CACNA1H: variants seen among roughly 807,000 people sequenced by gnomAD.
The protein encoded by CACNA1H is voltage-dependent T-type calcium channel subunit alpha-1H.
In CACNA1H, 149 loss-of-function variants were observed where a neutral mutation model predicts 192.5. The ratio of observed to expected loss-of-function variants is 0.77; its 90% CI spans 0.68 to 0.89. The LOEUF (loss-of-function observed/expected upper bound fraction) is 0.89, where lower values mean the gene tolerates loss of function less well. Among genes scored for constraint, CACNA1H ranks in the 40% least tolerant of loss-of-function variants. The pLI, the probability that CACNA1H is intolerant of heterozygous loss-of-function variation, is 0.00. For synonymous variants in CACNA1H, 2,202 were observed against 1,475.2 expected (o/e 1.49, Z -11.29); for missense variants, 4,257 against 3,423.5 (o/e 1.24, Z -6.08).
chr16:1,211,279 C>T lies in CACNA1H; in HGVS notation c.4335C>T (p.Gly1445=), dbSNP rs1170480526. Residue 1445 remains glycine, a synonymous_variant, in exon 22 of 35, where the codon GGC becomes GGT. Coordinates refer to ENST00000348261, the MANE Select transcript of CACNA1H (RefSeq NM_021098.3). ...GCTGCGCCTTCTTCATCATTTTTGGCATTTTGGGTGTGCAGGTGTGTGGCC... is the reference window on the plus strand; with the variant it reads ...GCTGCGCCTTCTTCATCATTTTTGGTATTTTGGGTGTGCAGGTGTGTGGCC... The part of the protein sequence containing the change: ...LICCAFFIIF[G]ILGVQLFKGK... 3 of 1,612,964 alleles carry T rather than the reference C, an allele frequency of 1.9e-6. No individual in the cohort carries two copies. The highest frequency in any genetic ancestry group is 2.5e-6 in the Non-Finnish European group (3 of 1,179,740).
At position 1,205,199 on chromosome 16, in the gene CACNA1H, C is replaced by A. The variant is rs779724136; in HGVS notation, c.2537C>A (p.Ala846Asp). ...FALEMLLKLL[A>D]CGPLGYIRNP... ...CTGGAGATGCTGCTGAAGCTGCTGG[C>A]CTGCGGCCCTCTGGGCTACATCCGG... The change falls in exon 11 of 35, where the codon GCC becomes GAC. Residue 846 changes from alanine (A) to aspartate (D), a missense_variant. Transcript: ENST00000348261. 1 of 1,613,068 alleles carries A rather than the reference C, an allele frequency of 6.2e-7. No individual in the cohort carries two copies. The highest frequency in any genetic ancestry group is 1.7e-5 in the Admixed American group (1 of 60,012).
rs374254890 is a variant in CACNA1H, at chr16:1,217,399, G to A, written c.5323+389G>A. On this transcript the variant is annotated intron_variant, in intron 31 of 34. Coordinates refer to ENST00000348261, the MANE Select transcript of CACNA1H (RefSeq NM_021098.3). ...GGCTGTCTCCCCTTACCTGGTGGCCGTAGCCTCCTGAGGCCCCCACCCAGG... is the reference window on the plus strand; with the variant it reads ...GGCTGTCTCCCCTTACCTGGTGGCCATAGCCTCCTGAGGCCCCCACCCAGG... 7.2e-5 allele frequency among the ~76,000 whole-genome samples: 11 copies of A among 152,270 alleles called. No homozygotes were observed. The East Asian group carries it at 1.6e-3, about 22-fold the overall frequency.
intron 32 of CACNA1H, 61 bp from the exon 33 acceptor site, chr16:1,218,149 C>T (rs1297280159): frequency 2.0e-5 from 30 of 1,534,138 alleles, no homozygotes; most frequent in Non-Finnish European, 2.5e-5. Flanking sequence ...GGGGACGGCA[C>T]TGCCAGGGTG....
intron 2 of CACNA1H, among the ~76,000 whole-genome samples, chr16:1,171,570 C>A (rs898404705): frequency 6.6e-6 from 1 of 152,222 alleles, no homozygotes; most frequent in Non-Finnish European, 1.5e-5. Context: ...CCCTTGGCTG[C>A]CGCAGAAAAC....
chr16:1,209,994 G>A (rs1362550339), intron 17 of CACNA1H, 41 bp from the exon 18 acceptor site: 1 of 1,471,506 alleles, frequency 6.8e-7, no homozygotes, highest in East Asian at 2.5e-5. Flanking sequence ...GGGCCGGGCA[G>A]GCAGGCGCAG....
chr16:1,220,273 C>T lies in CACNA1H; in HGVS notation c.6341C>T (p.Thr2114Ile), dbSNP rs774915687. The T allele has an allele frequency of 4.4e-6, 7 of 1,586,346 alleles. 1 individual carries two copies. Among genetic ancestry groups the T allele is most frequent in the South Asian group, 2.2e-5 (2 of 89,404 alleles). Reference sequence around the variant, plus strand: ...AGCTCCGCCTGCCCCTGGCAGCCCACAGCCGAGCCCCATGGCCCCGAAGCC... The same window carrying T: ...AGCTCCGCCTGCCCCTGGCAGCCCATAGCCGAGCCCCATGGCCCCGAAGCC... The part of the protein sequence containing the change: ...ITSSACPWQP[T>I]AEPHGPEASP... The change falls in exon 35 of 35, where the codon ACA (threonine) becomes ATA (isoleucine). Residue 2114 changes from threonine (T) to isoleucine (I), a missense_variant. By Grantham distance (89) the Thr-to-Ile change is moderately conservative. Transcript: ENST00000348261.
In CACNA1H at chr16:1,208,735, A is replaced by G. The variant is rs547760074; in HGVS notation, c.3364-297A>G. 1.0e-3 allele frequency among the ~76,000 whole-genome samples: 157 copies of G among 152,276 alleles called. 1 individual carries two copies. The highest frequency in any genetic ancestry group is 1.5e-3 in the Non-Finnish European group (99 of 68,016). Reference sequence around the variant, plus strand: ...AGCTGTGAGGCAGAGCCGCAGGCCCAGTGTGCTCCTGGGGACACGGGGGCC... The same window carrying G: ...AGCTGTGAGGCAGAGCCGCAGGCCCGGTGTGCTCCTGGGGACACGGGGGCC... On this transcript the variant is annotated intron_variant, in intron 16 of 34. Coordinates refer to ENST00000348261, the MANE Select transcript of CACNA1H (RefSeq NM_021098.3).
rs773684935 is a variant in CACNA1H, at chr16:1,198,585, C to T, written c.644-30C>T. 20 of 1,609,742 alleles carry T rather than the reference C, an allele frequency of 1.2e-5. No homozygotes were observed. The South Asian group carries it at 2.1e-4, about 17-fold the overall frequency. The stretch of plus-strand genomic sequence containing the variant: ...CCGAGGACACTCCTGCAGGGCTTAG[C>T]AGTGCCAATCCTGGCCCTGCTGCCC... On this transcript the variant is annotated intron_variant, in intron 5 of 34. Coordinates refer to ENST00000348261, the MANE Select transcript of CACNA1H (RefSeq NM_021098.3).
At chr16:1,177,465 C>T (rs1965005149) in intron 2 of CACNA1H, among the ~76,000 whole-genome samples, 1 of 152,204 alleles carries the variant, frequency 6.6e-6, no homozygotes. Context: ...GCTAGCGGCT[C>T]ACGGTCACAC....
intron 34 of CACNA1H, among the ~76,000 whole-genome samples, chr16:1,219,435 A>T (rs1180646707): frequency 6.6e-6 from 1 of 151,772 alleles, no homozygotes; most frequent in Non-Finnish European, 1.5e-5. Context: ...CGTGGTGGGC[A>T]GACAGCAGTT....
intron 2 of CACNA1H, chr16:1,157,673 A>G (rs1177214842): frequency 6.6e-6 from 1 of 152,232 alleles, no homozygotes; most frequent in Admixed American, 6.5e-5. Context: ...CCTCTTGAAC[A>G]CTTTGTCTTA....
chr16:1,208,512 C>T (rs1174720117), intron 16 of CACNA1H, among the ~76,000 whole-genome samples: 1 of 152,184 alleles, frequency 6.6e-6, no homozygotes, highest in Non-Finnish European at 1.5e-5. Context: ...AGAAGCGTGC[C>T]CGGCAAGCAG....
intron 26 of CACNA1H, among the ~76,000 whole-genome samples, 180 bp from the exon 27 acceptor site, chr16:1,213,600 C>A (rs377074309): frequency 7.9e-5 from 12 of 152,096 alleles, no homozygotes; most frequent in African/African-American, 1.4e-4. Flanking sequence ...CTGAGAGAGT[C>A]CCCCTTCTCC....
At chr16:1,173,790 T>A (rs1268197519) in intron 2 of CACNA1H, among the ~76,000 whole-genome samples, 1 of 152,240 alleles carries the variant, frequency 6.6e-6, no homozygotes, top group South Asian at 2.1e-4. Flanking sequence ...TGAAAGGCTG[T>A]GGGTGTTGAC....
intron 2 of CACNA1H, among the ~76,000 whole-genome samples, chr16:1,191,094 C>T (rs1966574191): frequency 1.7e-5 from 2 of 118,554 alleles, no homozygotes; most frequent in African/African-American, 3.5e-5. Flanking sequence ...CTCTCTGACT[C>T]AGCAGGCTGG....
Position 1,215,325 on chromosome 16 carries a change from C to G in CACNA1H, c.5123C>G (p.Pro1708Arg). The G allele has an allele frequency of 1.9e-6, 3 of 1,611,766 alleles. No homozygotes were observed. The highest frequency in any genetic ancestry group is 1.3e-5 in the African/African-American group (1 of 75,040). Residue 1708 changes from proline to arginine, a missense_variant, in exon 29 of 35, where the codon CCC becomes CGC. Transcript: ENST00000348261. ...LEEIEMSAAL[P>R]INPTIIRIMR... ...GAGATAGAGATGAGCGCCGCGCTGC[C>G]CATCAACCCCACCATCATCCGCATC...
At chr16:1,214,625 G>A (rs1363870188) in intron 27 of CACNA1H, among the ~76,000 whole-genome samples, 1 of 152,222 alleles carries the variant, frequency 6.6e-6, no homozygotes, top group Non-Finnish European at 1.5e-5. Flanking sequence ...GTAGAAGACA[G>A]GGTGGGAGGT....
At chr16:1,185,708 G>A (rs1205738399) in intron 2 of CACNA1H, among the ~76,000 whole-genome samples, 85 of 22,686 alleles carry the variant, frequency 3.7e-3, no homozygotes, top group Non-Finnish European at 5.5e-3. Context: ...GACGGTCGGC[G>A]TGCGTAGGGG....
intron 2 of CACNA1H, among the ~76,000 whole-genome samples, chr16:1,166,772 C>T (rs1488144349): frequency 6.6e-6 from 1 of 152,212 alleles, no homozygotes; most frequent in Non-Finnish European, 1.5e-5. Context: ...CCTGACCCTT[C>T]CACGGTTAGA....
Sources: allele counts gnomAD v4.1 joint callset (sites outside exome capture counted in the v4.1 genomes callset), GRCh38; gene constraint gnomAD v4.1.1; transcripts MANE v1.5; gene names NCBI Gene and HGNC (gene_info 2026-07-23, HGNC 2026-07-21).